KIF13A: variants seen among roughly 807,000 people sequenced by gnomAD.
KIF13A encodes kinesin-like protein KIF13A.
KIF13A carries 79 observed loss-of-function variants against 212.2 expected under a neutral mutation model. The observed-to-expected ratio is 0.37, with a 90% confidence interval of 0.31 to 0.45. KIF13A has a LOEUF of 0.45. Among genes scored for constraint, KIF13A ranks in the 20% least tolerant of loss-of-function variants. The pLI is 1.00. For missense variants in KIF13A, 1,901 were observed against 2,209.0 expected (o/e 0.86, Z 2.79); for synonymous variants, 789 against 808.6 (o/e 0.98, Z 0.41).
chr6:17,764,416 G>A lies in KIF13A; in HGVS notation c.5112C>T (p.Ala1704=). Residue 1704 remains alanine, a synonymous_variant, in exon 39 of 39, where the codon GCC becomes GCT. Coordinates refer to ENST00000259711, the MANE Select transcript of KIF13A (RefSeq NM_022113.6). The surrounding 1 kb of genome is among the most constrained non-coding windows in gnomAD (Gnocchi z 5.1). The stretch of plus-strand genomic sequence containing the variant: ...CTGGCTGGCTAATTTTGCTGGGGCA[G>A]GCATCTAGTTCTGAACATGAGCCAG... ...CRTGSCSELD[A]CPSKISQPAR... 6.2e-7 allele frequency: 1 copy of A among 1,614,030 alleles called. No homozygotes were observed. The highest frequency in any genetic ancestry group is 8.5e-7 in the Non-Finnish European group (1 of 1,179,894).
rs555595810 is a variant in KIF13A at position 17,856,632 on chromosome 6, G to A, written c.221-510C>T. 4.7e-4 allele frequency among the ~76,000 whole-genome samples: 72 copies of A among 152,276 alleles called. No individual in the cohort carries two copies. The highest frequency in any genetic ancestry group is 1.5e-3 in the African/African-American group (62 of 41,548). ...GCTGTTTGTAGATTCACAGGCACCC[G>A]TCACCTGTGTCCCCACAGCGGGAGT... On this transcript the variant is annotated intron_variant, in intron 4 of 38. Transcript: ENST00000259711. This position sits in a 1 kb window ranked among gnomAD's most constrained non-coding sequence, Gnocchi z 4.5.
intron 7 of KIF13A, 81 bp downstream of exon 7, chr6:17,851,874 C>A: frequency 1.6e-6 from 1 of 636,978 alleles, no homozygotes; most frequent in East Asian, 3.3e-5. Flanking sequence ...TATAAAGCAT[C>A]CACATAAAAT....
intron 2 of KIF13A, among the ~76,000 whole-genome samples, chr6:17,972,892 C>T (rs1779939802): frequency 6.9e-6 from 1 of 145,118 alleles, no homozygotes; most frequent in Non-Finnish European, 1.5e-5. Context: ...GAACTACAAA[C>T]AGAGGTTTCC....
At chr6:17,880,555 G>C (rs779947855) in intron 3 of KIF13A, among the ~76,000 whole-genome samples, 78 of 150,760 alleles carry the variant, frequency 5.2e-4, no homozygotes, top group Non-Finnish European at 1.0e-3. Context: ...TTGAACCCAG[G>C]AGGCGGAGGT....
intron 4 of KIF13A, among the ~76,000 whole-genome samples, chr6:17,859,315 A>G (rs1243429536): frequency 6.6e-6 from 1 of 152,084 alleles, no homozygotes; most frequent in Non-Finnish European, 1.5e-5. Context: ...TAAAAATACA[A>G]GAGTAGGCCA....
At position 17,956,885 on chromosome 6, in the gene KIF13A, TCA is replaced by T. The variant is rs1778396351; in HGVS notation, c.146+30167_146+30168del. Among the ~76,000 whole-genome samples the T allele has an allele frequency of 3.0e-5, 4 of 132,204 alleles. No individual in the cohort carries two copies. In the South Asian group the frequency reaches 1.0e-3, roughly 33 times the overall value. 86.7% of individuals were successfully genotyped at this position (132,204 alleles called of 152,430 possible). ...ATGAGATCACAACCTTTCTGTTCAA[TCA>T]CATTTTTTTTTTTAGACGGAGTCTC... is the stretch of plus-strand genomic sequence containing the variant. On this transcript the variant is annotated intron_variant, in intron 2 of 38. Transcript: ENST00000259711.
chr6:17,955,921 G>A (rs985223754), intron 2 of KIF13A, among the ~76,000 whole-genome samples: 1 of 152,154 alleles, frequency 6.6e-6, no homozygotes, highest in Non-Finnish European at 1.5e-5. Flanking sequence ...TAAAGATGAT[G>A]ACACTAATAG....
At chr6:17,881,368 G>A in intron 3 of KIF13A, 1 of 373,368 alleles carries the variant, frequency 2.7e-6, no homozygotes, top group South Asian at 2.1e-5. Context: ...TTACGAATAG[G>A]ATGTAGTACA....
chr6:17,901,904 T>A (rs1218546033), intron 2 of KIF13A, among the ~76,000 whole-genome samples: 2 of 152,144 alleles, frequency 1.3e-5, no homozygotes, highest in African/African-American at 4.8e-5. Context: ...GGCTGAGGCA[T>A]GAGAATTGCT....
chr6:17,876,140 A>G (rs1770535768), intron 3 of KIF13A, among the ~76,000 whole-genome samples: 1 of 152,178 alleles, frequency 6.6e-6, no homozygotes, highest in Non-Finnish European at 1.5e-5. Context: ...CAGGTGACTC[A>G]GCAGCTACCT....
At chr6:17,803,818 C>T (rs1386253524) in intron 20 of KIF13A, among the ~76,000 whole-genome samples, 1 of 152,104 alleles carries the variant, frequency 6.6e-6, no homozygotes, top group Non-Finnish European at 1.5e-5. Context: ...AAAGAAAAAA[C>T]TTGTGACCTC....
chr6:17,944,834 A>G (rs940857330), intron 2 of KIF13A, among the ~76,000 whole-genome samples: 4 of 152,226 alleles, frequency 2.6e-5, no homozygotes, highest in African/African-American at 9.6e-5. Flanking sequence ...TATCATTAGC[A>G]AACAAAATTA....
chr6:17,930,488 T>C (rs1297795265), intron 2 of KIF13A, among the ~76,000 whole-genome samples: 1 of 152,158 alleles, frequency 6.6e-6, no homozygotes, highest in Admixed American at 6.5e-5. Flanking sequence ...GAAAGGAACT[T>C]ACGTTATCAG....
rs746061595 is a variant in KIF13A at position 17,777,230 on chromosome 6, G to C, written c.4170+47C>G. On this transcript the variant is annotated intron_variant, in intron 34 of 38. Transcript: ENST00000259711. The surrounding 1 kb of genome is among the most constrained non-coding windows in gnomAD (Gnocchi z 4.4). ...AATCCCACCTTCCCCCACCCCAGAGGCTGCGACATGTCACATAGGAGCAGA... is the reference window on the plus strand; with the variant it reads ...AATCCCACCTTCCCCCACCCCAGAGCCTGCGACATGTCACATAGGAGCAGA... 5.4e-5 allele frequency: 79 copies of C among 1,467,570 alleles called. 1 individual carries two copies. The South Asian group carries it at 8.5e-4, about 16-fold the overall frequency. 90.9% of individuals were successfully genotyped at this position (1,467,570 alleles called of 1,614,324 possible).
At chr6:17,798,901 T>C (rs1393817106) in intron 22 of KIF13A, among the ~76,000 whole-genome samples, 1 of 152,230 alleles carries the variant, frequency 6.6e-6, no homozygotes, top group Non-Finnish European at 1.5e-5. Context: ...ATATGTATAA[T>C]ATGATCCCAC....
intron 19 of KIF13A, 21 bp downstream of exon 19, chr6:17,805,454 A>T: frequency 6.2e-7 from 1 of 1,606,782 alleles, no homozygotes; most frequent in Non-Finnish European, 8.5e-7. Flanking sequence ...CAAAATCTCC[A>T]TTACATTTTG....
chr6:17,867,603 G>C (rs991038308), intron 4 of KIF13A, among the ~76,000 whole-genome samples: 1 of 152,310 alleles, frequency 6.6e-6, no homozygotes, highest in African/African-American at 2.4e-5. Context: ...ACACAGTTGG[G>C]AAGTGGCAGA....
Position 17,940,817 on chromosome 6 carries a change from ATT to A in KIF13A, c.147-42639_147-42638del, listed in dbSNP as rs11325656. Among the ~76,000 whole-genome samples the A allele has an allele frequency of 8.0e-4, 113 of 140,532 alleles. 1 individual carries two copies. The highest frequency in any genetic ancestry group is 2.1e-3 in the African/African-American group (81 of 37,690). The allele number at this position is 140,532 out of a possible 152,430, so 92.2% of individuals were successfully genotyped here. ...GTTAGGACTTAACACATGTAAATTT[ATT>A]TTTTTTTTTTTTTTTTTTTTTTTTG... On this transcript the variant is annotated intron_variant, in intron 2 of 38. Transcript: ENST00000259711.
chr6:17,877,785 A>C (rs929603029), intron 3 of KIF13A, among the ~76,000 whole-genome samples: 8 of 152,064 alleles, frequency 5.3e-5, no homozygotes, highest in Non-Finnish European at 1.2e-4. Flanking sequence ...TAAGAAAAAA[A>C]AAATCCTCCC....
Sources: allele counts gnomAD v4.1 joint callset (sites outside exome capture counted in the v4.1 genomes callset), GRCh38; gene constraint gnomAD v4.1.1; non-coding constraint Gnocchi (gnomAD v3.1); transcripts MANE v1.5; gene names NCBI Gene and HGNC (gene_info 2026-07-23, HGNC 2026-07-21).